CNTNAP2: variants seen among roughly 807,000 people sequenced by gnomAD.
CNTNAP2 encodes the protein contactin associated protein 2, also known as contactin-associated protein-like 2.
A neutral mutation model predicts 155.2 loss-of-function variants in CNTNAP2; 98 were observed. The ratio of observed to expected loss-of-function variants is 0.63; its 90% confidence interval spans 0.54 to 0.75. The LOEUF is 0.75. CNTNAP2 is among the 30% of genes least tolerant of loss of function. The pLI is 0.00. For synonymous variants in CNTNAP2, 651 were observed against 631.2 expected, an observed-to-expected ratio of 1.03 and a Z score of -0.47; for missense variants, 1,727 against 1,688.1, an observed-to-expected ratio of 1.02 and a Z score of -0.40.
chr7:147,258,451 C>T (rs907623581), intron 8 of CNTNAP2, among the ~76,000 whole-genome samples: 3 of 152,024 alleles, frequency 2.0e-5, no homozygotes, highest in Non-Finnish European at 4.4e-5. Context: ...GTAGCCATAT[C>T]AGAAGTCCTT....
chr7:147,041,853 T>C (rs1005541742), intron 3 of CNTNAP2, among the ~76,000 whole-genome samples: 1 of 152,222 alleles, frequency 6.6e-6, no homozygotes, highest in African/African-American at 2.4e-5. Context: ...TTTAAGATCA[T>C]AAATTTTGGA....
intron 11 of CNTNAP2, among the ~76,000 whole-genome samples, chr7:147,544,919 G>T (rs1430853884): frequency 6.6e-6 from 1 of 152,000 alleles, no homozygotes; most frequent in Non-Finnish European, 1.5e-5. Context: ...AGCCTCCCTA[G>T]CCATGTGGAA....
At chr7:147,572,980 A>G (rs138600789) in intron 12 of CNTNAP2, among the ~76,000 whole-genome samples, 54 of 152,312 alleles carry the variant, frequency 3.5e-4, no homozygotes, top group Middle Eastern at 3.4e-3. Context: ...AAAATCTCAT[A>G]TAGCAGCTAA....
At chr7:146,584,955 C>A (rs867623022) in intron 1 of CNTNAP2, among the ~76,000 whole-genome samples, 15 of 151,914 alleles carry the variant, frequency 9.9e-5, no homozygotes, top group Non-Finnish European at 2.1e-4. Flanking sequence ...CAAAGTGACA[C>A]CTATATTTAA....
chr7:148,091,544 C>T (rs1310968517), intron 15 of CNTNAP2, among the ~76,000 whole-genome samples: 1 of 152,090 alleles, frequency 6.6e-6, no homozygotes, highest in African/African-American at 2.4e-5. Context: ...ATTAAAAAGG[C>T]AATTTTTCTT....
At chr7:148,230,439 G>T (rs1035635346) in intron 20 of CNTNAP2, among the ~76,000 whole-genome samples, 1 of 152,140 alleles carries the variant, frequency 6.6e-6, no homozygotes, top group African/African-American at 2.4e-5. Context: ...TGGGAGCTAG[G>T]CCAAGACATC....
At chr7:146,280,946 A>T (rs367701289) in intron 1 of CNTNAP2, among the ~76,000 whole-genome samples, 28 of 152,258 alleles carry the variant, frequency 1.8e-4, no homozygotes, top group African/African-American at 6.5e-4. Flanking sequence ...CAGGGTGAGG[A>T]TGGGAGCAGA....
intron 1 of CNTNAP2, among the ~76,000 whole-genome samples, chr7:146,219,105 A>G (rs1044843372): frequency 2.6e-5 from 4 of 152,172 alleles, no homozygotes; most frequent in Non-Finnish European, 4.4e-5. Context: ...GGAAAGACAG[A>G]AAAGTTCAGG....
chr7:146,503,852 C>A (rs145292062), intron 1 of CNTNAP2, among the ~76,000 whole-genome samples: 2 of 152,178 alleles, frequency 1.3e-5, no homozygotes, highest in East Asian at 3.9e-4. Flanking sequence ...CCAACCTGAG[C>A]TGGGGTCTGA....
At chr7:148,204,841 A>T (rs1308624220) in intron 18 of CNTNAP2, among the ~76,000 whole-genome samples, 1 of 152,108 alleles carries the variant, frequency 6.6e-6, no homozygotes, top group Non-Finnish European at 1.5e-5. Flanking sequence ...TTGACTCTTG[A>T]CTCTGTGATT....
chr7:146,947,547 G>A lies in CNTNAP2; in HGVS notation c.403-96360G>A, dbSNP rs111339771. Among the ~76,000 whole-genome samples, 10 of 52,724 alleles carry A rather than the reference G, an allele frequency of 1.9e-4. 1 individual carries two copies. The highest frequency in any genetic ancestry group is 1.2e-4 in the African/African-American group (2 of 16,200). 34.6% of individuals were successfully genotyped at this position (52,724 alleles called of 152,430 possible). On this transcript the variant is annotated intron_variant, in intron 3 of 23. Transcript: ENST00000361727. The stretch of plus-strand genomic sequence containing the variant: ...TATGTATGTGTGTGTGTGTGTATGT[G>A]TGTGTGTGTGTATATATATATATAT...
chr7:147,915,305 T>C (rs1800140134), intron 14 of CNTNAP2, among the ~76,000 whole-genome samples: 1 of 152,230 alleles, frequency 6.6e-6, no homozygotes, highest in Admixed American at 6.5e-5. Context: ...CCATTAGCCC[T>C]GTAACCACAT....
At chr7:147,399,003 T>C (rs1042647359) in intron 10 of CNTNAP2, among the ~76,000 whole-genome samples, 2 of 151,880 alleles carry the variant, frequency 1.3e-5, no homozygotes, top group Non-Finnish European at 2.9e-5. Context: ...TAAGCCTCCG[T>C]TGAAAAGATA....
chr7:146,726,275 AATATT>A (rs1242122776), intron 1 of CNTNAP2, among the ~76,000 whole-genome samples: 3 of 152,214 alleles, frequency 2.0e-5, no homozygotes, highest in African/African-American at 4.8e-5. Context: ...ACAATACATG[AATATT>A]ATATTTAAAC....
At chr7:146,168,732 G>T (rs979774531) in intron 1 of CNTNAP2, among the ~76,000 whole-genome samples, 1 of 152,058 alleles carries the variant, frequency 6.6e-6, no homozygotes, top group Non-Finnish European at 1.5e-5. Context: ...CTGAAATATT[G>T]CAATGACCTA....
intron 1 of CNTNAP2, among the ~76,000 whole-genome samples, chr7:146,555,874 G>A (rs1798191334): frequency 6.6e-6 from 1 of 152,132 alleles, no homozygotes; most frequent in Non-Finnish European, 1.5e-5. Flanking sequence ...TCTTGTAAAA[G>A]TGATGGTTAT....
intron 4 of CNTNAP2, among the ~76,000 whole-genome samples, chr7:147,106,995 A>G (rs1232560227): frequency 1.3e-5 from 2 of 152,188 alleles, no homozygotes; most frequent in African/African-American, 2.4e-5. Context: ...GGAGTTCTTT[A>G]GCCAGACCTT....
intron 1 of CNTNAP2, among the ~76,000 whole-genome samples, chr7:146,167,409 T>C (rs1362098061): frequency 6.6e-6 from 1 of 152,110 alleles, no homozygotes; most frequent in East Asian, 1.9e-4. Context: ...AGAGAATAAT[T>C]TTGTTAATGG....
intron 9 of CNTNAP2, among the ~76,000 whole-genome samples, chr7:147,383,374 T>C (rs1199864406): frequency 6.6e-6 from 1 of 152,240 alleles, no homozygotes; most frequent in African/African-American, 2.4e-5. Flanking sequence ...CCTTGTATCT[T>C]GATCTTCTCT....
Sources: allele counts gnomAD v4.1 joint callset (sites outside exome capture counted in the v4.1 genomes callset), GRCh38; gene constraint gnomAD v4.1.1; transcripts MANE v1.5; gene names NCBI Gene and HGNC (gene_info 2026-07-23, HGNC 2026-07-21).